Variants in DCAF6 observed in about 807,000 individuals in gnomAD.
DCAF6 encodes DDB1- and CUL4-associated factor 6.
A neutral mutation model predicts 125.1 loss-of-function variants in DCAF6; 54 were observed. That is an observed-to-expected ratio of 0.43 (90% CI 0.35 to 0.54). The LOEUF (loss-of-function observed/expected upper bound fraction) is 0.54, where lower values mean the gene tolerates loss of function less well. DCAF6 is among the 20% of genes least tolerant of loss of function. The pLI, the probability that DCAF6 is intolerant of heterozygous loss-of-function variation, is 0.01. For synonymous variants in DCAF6, 371 were observed against 390.4 expected (o/e 0.95, Z 0.58); for missense variants, 934 against 1,161.7 (o/e 0.80, Z 2.85).
the DCAF6 span, chr1:167,896,578 C>G: frequency 6.3e-7 from 1 of 1,590,758 alleles, no homozygotes; most frequent in Non-Finnish European, 8.6e-7. Flanking sequence ...AGGCATTTTT[C>G]CATGGTGGGT....
intron 3 of DCAF6, among the ~76,000 whole-genome samples, chr1:167,974,329 T>G (rs778531223): frequency 2.0e-4 from 30 of 152,188 alleles, no homozygotes; most frequent in Non-Finnish European, 4.1e-4. Flanking sequence ...ATTTTAAACT[T>G]TATTACTGTC....
intron 6 of DCAF6, among the ~76,000 whole-genome samples, chr1:167,991,781 C>A (rs1680870933): frequency 6.6e-6 from 1 of 152,186 alleles, no homozygotes; most frequent in Non-Finnish European, 1.5e-5. Context: ...CTGCCACTCT[C>A]TTTACATGCA....
chr1:168,029,588 A>G (rs886275024), intron 12 of DCAF6, among the ~76,000 whole-genome samples: 9 of 152,192 alleles, frequency 5.9e-5, no homozygotes, highest in African/African-American at 2.2e-4. Flanking sequence ...GCAATTTTTT[A>G]TATGTTAATT....
the DCAF6 span, among the ~76,000 whole-genome samples, chr1:167,893,617 A>G: frequency 1.4e-5 from 2 of 142,126 alleles, no homozygotes; most frequent in African/African-American, 5.3e-5. Flanking sequence ...AATTGCTTGA[A>G]CCCGGGAGGC....
At chr1:167,999,318 ATTC>A (rs1401858923) in intron 7 of DCAF6, among the ~76,000 whole-genome samples, 2 of 152,194 alleles carry the variant, frequency 1.3e-5, no homozygotes, top group Admixed American at 1.3e-4. Flanking sequence ...ATTAAACATA[ATTC>A]TTAAGGGCCT....
chr1:167,929,805 T>G, the DCAF6 span, among the ~76,000 whole-genome samples: 1 of 152,204 alleles, frequency 6.6e-6, no homozygotes, highest in East Asian at 1.9e-4. Context: ...GATTGAGGTA[T>G]TCACTATATC....
chr1:167,949,667 C>G (rs1673624331), intron 1 of DCAF6, among the ~76,000 whole-genome samples: 1 of 152,090 alleles, frequency 6.6e-6, no homozygotes, highest in Admixed American at 6.5e-5. Context: ...ATTTTTTTGC[C>G]TCTGACTTAG....
chr1:167,867,460 G>A, the DCAF6 span, among the ~76,000 whole-genome samples: 1 of 152,160 alleles, frequency 6.6e-6, no homozygotes, highest in Non-Finnish European at 1.5e-5. Context: ...TAGGACAAAA[G>A]ATTGCTACAG....
intron 4 of DCAF6, among the ~76,000 whole-genome samples, chr1:167,982,430 A>G (rs1304319919): frequency 6.6e-6 from 1 of 152,044 alleles, no homozygotes; most frequent in African/African-American, 2.4e-5. Context: ...TCTAGTAGAG[A>G]TGGGGTTTCA....
chr1:167,956,315 ATTTAT>A (rs1333798032), intron 2 of DCAF6, among the ~76,000 whole-genome samples: 2 of 152,146 alleles, frequency 1.3e-5, no homozygotes, highest in Admixed American at 6.5e-5. Flanking sequence ...GCTTCACTGA[ATTTAT>A]TTTATGTAAA....
chr1:167,962,410 T>C (rs1375717518), intron 2 of DCAF6, among the ~76,000 whole-genome samples: 1 of 152,160 alleles, frequency 6.6e-6, no homozygotes, highest in Non-Finnish European at 1.5e-5. Context: ...GGAAACTATG[T>C]TGTCTTGGGG....
chr1:168,034,777 C>G (rs1687584146), intron 12 of DCAF6, among the ~76,000 whole-genome samples: 1 of 152,078 alleles, frequency 6.6e-6, no homozygotes, highest in African/African-American at 2.4e-5. Flanking sequence ...AAATAAAAAT[C>G]TACCTTTTAA....
the DCAF6 span, among the ~76,000 whole-genome samples, chr1:167,910,112 C>T: frequency 6.6e-6 from 1 of 152,206 alleles, no homozygotes; most frequent in Admixed American, 6.5e-5. Flanking sequence ...TGCCAATGCT[C>T]CCAGCCGAAT....
chr1:167,991,401 AT>A, intron 6 of DCAF6, 62 bp downstream of exon 6: 1 of 1,438,182 alleles, frequency 7.0e-7, no homozygotes, highest in Non-Finnish European at 9.3e-7. Flanking sequence ...TCTCTATGAC[AT>A]TTTCAGTTTT....
chr1:168,017,948 T>C (rs1056310818), intron 11 of DCAF6, among the ~76,000 whole-genome samples: 10 of 152,210 alleles, frequency 6.6e-5, no homozygotes, highest in African/African-American at 2.4e-4. Context: ...TTAAGTGTTT[T>C]AGCTATAAGA....
intron 12 of DCAF6, among the ~76,000 whole-genome samples, chr1:168,033,608 C>T (rs977428551): frequency 2.6e-5 from 4 of 152,064 alleles, no homozygotes; most frequent in Admixed American, 6.6e-5. Context: ...TGAGCCACCG[C>T]GCCCGGCCTG....
At chr1:167,870,221 T>G in the DCAF6 span, 1 of 1,612,736 alleles carries the variant, frequency 6.2e-7, no homozygotes, top group South Asian at 1.1e-5. Context: ...CAGGATTCTA[T>G]GGGTTCACAC....
chr1:167,890,372 C>A, the DCAF6 span, among the ~76,000 whole-genome samples: 3 of 152,114 alleles, frequency 2.0e-5, no homozygotes, highest in Admixed American at 6.5e-5. Flanking sequence ...CAAGCAGAGA[C>A]TTTTGTTCTC....
chr1:167,987,569 A>G lies in DCAF6; in HGVS notation c.513A>G (p.Thr171=), dbSNP rs1680191230. 1 of 1,604,532 alleles carries G rather than the reference A, an allele frequency of 6.2e-7. No homozygotes were observed. The highest frequency in any genetic ancestry group is 1.1e-5 in the South Asian group (1 of 90,640). The change falls in exon 5 of 22, where the codon ACA becomes ACG. Residue 171 remains threonine, a synonymous_variant. Transcript: ENST00000367840. ...ATGGAACTGTTAGGTGGTTTGATAC[A>G]CGCATCAAAACTAGCTGCACAAAAG... The part of the protein sequence containing the change: ...GEDGTVRWFD[T]RIKTSCTKED...
Sources: allele counts gnomAD v4.1 joint callset (sites outside exome capture counted in the v4.1 genomes callset), GRCh38; gene constraint gnomAD v4.1.1; transcripts MANE v1.5; gene names NCBI Gene and HGNC (gene_info 2026-07-23, HGNC 2026-07-21).